CDC42EP4: variants seen among roughly 807,000 people sequenced by gnomAD.
CDC42EP4 encodes the protein CDC42 effector protein 4, also known as CDC42 effector protein (Rho GTPase binding) 4.
Under a neutral mutation model 5.6 loss-of-function variants are expected in CDC42EP4, and 6 were observed. That is an observed-to-expected ratio of 1.07 (90% CI 0.59 to 2.12). The LOEUF (loss-of-function observed/expected upper bound fraction) is 2.12. Among genes scored for constraint, CDC42EP4 ranks in the 30% most tolerant of loss-of-function variants. The probability of loss-of-function intolerance (pLI) is 0.00; values close to 1 mark genes in which losing one functional copy is unlikely to be tolerated. For synonymous variants in CDC42EP4, 230 were observed against 224.2 expected, an observed-to-expected ratio of 1.03 and a Z score of -0.23; for missense variants, 490 against 508.6, an observed-to-expected ratio of 0.96 and a Z score of 0.35.
intron 1 of CDC42EP4, among the ~76,000 whole-genome samples, chr17:73,303,678 A>AG (rs986463221): frequency 6.6e-6 from 1 of 152,056 alleles, no homozygotes; most frequent in Non-Finnish European, 1.5e-5. Flanking sequence ...AAAAAAAAAA[A>AG]AAATTAATTC....
intron 1 of CDC42EP4, among the ~76,000 whole-genome samples, chr17:73,287,799 G>C (rs897201384): frequency 4.6e-5 from 7 of 152,158 alleles, no homozygotes; most frequent in South Asian, 2.1e-4. Flanking sequence ...TCAGATGCTG[G>C]GTGCTTCCTC....
rs190599015 is a variant in CDC42EP4, at chr17:73,297,221, G to A, written c.-112-10609C>T. Among the ~76,000 whole-genome samples the A allele has an allele frequency of 1.6e-3, 242 of 151,358 alleles. 1 individual carries two copies. The Middle Eastern group carries it at 0.017, about 11-fold the overall frequency. ...AGGCAGGAGAATCACTTGAACCCGG[G>A]AGGCGGAGGTTGCTGTGAGCCAAGG... On this transcript the variant is annotated intron_variant, in intron 1 of 1. Coordinates refer to ENST00000335793, the MANE Select transcript of CDC42EP4 (RefSeq NM_012121.5).
At chr17:73,297,671 AT>A (rs1452270336) in intron 1 of CDC42EP4, among the ~76,000 whole-genome samples, 5 of 151,826 alleles carry the variant, frequency 3.3e-5, no homozygotes, top group Non-Finnish European at 7.4e-5. Flanking sequence ...TTATTTATTT[AT>A]TTTTGAGATG....
At chr17:73,288,555 CCGCGCCTGGTCCAT>C (rs1220673983) in intron 1 of CDC42EP4, among the ~76,000 whole-genome samples, 3 of 152,130 alleles carry the variant, frequency 2.0e-5, no homozygotes, top group African/African-American at 7.2e-5. Flanking sequence ...GCGTGAGCCA[CCGCGCCTGGTCCAT>C]CCAGAGGGTT....
At position 73,285,524 on chromosome 17, in the gene CDC42EP4, C is replaced by T. The variant is rs932343302; in HGVS notation, c.977G>A (p.Arg326Gln). 28 of 1,610,326 alleles carry T rather than the reference C, an allele frequency of 1.7e-5. No homozygotes were observed. The highest frequency in any genetic ancestry group is 2.3e-5 in the Non-Finnish European group (27 of 1,178,434). Residue 326 changes from arginine to glutamine, a missense_variant, in exon 2 of 2, where the codon CGG becomes CAG. By Grantham distance (43) the Arg-to-Gln change is conservative. Coordinates refer to ENST00000335793, the MANE Select transcript of CDC42EP4 (RefSeq NM_012121.5). The surrounding 1 kb of genome is among the most constrained non-coding windows in gnomAD (Gnocchi z 6.8). ...GILEERSPAF[R>Q]GPDRARAAVS... ...AGCAGCCCGGGCCCTGTCCGGCCCC[C>T]GGAAGGCAGGGCTGCGCTCCTCCAG...
intron 1 of CDC42EP4, among the ~76,000 whole-genome samples, chr17:73,295,394 T>C (rs894660337): frequency 6.6e-6 from 1 of 152,138 alleles, no homozygotes; most frequent in African/African-American, 2.4e-5. Context: ...AACCTTCTGA[T>C]GTTTGCTACC....
chr17:73,301,755 G>T (rs1022415635), intron 1 of CDC42EP4, among the ~76,000 whole-genome samples: 1 of 142,532 alleles, frequency 7.0e-6, no homozygotes, highest in Admixed American at 7.4e-5. Context: ...TGCCGAGACT[G>T]GAGTGCAGTG....
intron 1 of CDC42EP4, chr17:73,311,022 G>A (rs942733949): frequency 6.6e-6 from 1 of 152,196 alleles, no homozygotes; most frequent in African/African-American, 2.4e-5. Flanking sequence ...GCCCCAAGCG[G>A]GCGATTAAAT....
At chr17:73,308,994 T>A in intron 1 of CDC42EP4, among the ~76,000 whole-genome samples, 1 of 120,578 alleles carries the variant, frequency 8.3e-6, no homozygotes, top group East Asian at 2.7e-4. Context: ...GCCAAGATTG[T>A]GCCACTGCAC....
At chr17:73,287,187 G>C (rs534297101) in intron 1 of CDC42EP4, among the ~76,000 whole-genome samples, 1 of 152,332 alleles carries the variant, frequency 6.6e-6, no homozygotes, top group East Asian at 1.9e-4. Context: ...TGCGTGGGCG[G>C]CACAGTCCTC....
chr17:73,306,371 A>G (rs1367840542), intron 1 of CDC42EP4, among the ~76,000 whole-genome samples: 2 of 151,200 alleles, frequency 1.3e-5, no homozygotes, highest in Admixed American at 1.3e-4. Context: ...GCATGGCGGC[A>G]CACGTCTATA....
chr17:73,285,253 C>A lies in CDC42EP4; in HGVS notation c.*177G>T, dbSNP rs986749333. 5.8e-6 allele frequency: 3 copies of A among 513,594 alleles called. No homozygotes were observed. Among genetic ancestry groups the A allele is most frequent in the Non-Finnish European group, 1.0e-5 (3 of 293,882 alleles). The allele number at this position is 513,594 out of a possible 1,614,324, so 31.8% of individuals were successfully genotyped here. ...AGCCAGTCGGCACCCATGCCAGCCC[C>A]CTACGTCCTCCGAAGACCCGAGGGC... On this transcript the variant is annotated 3_prime_UTR_variant, in exon 2 of 2. Transcript: ENST00000335793. This position sits in a 1 kb window ranked among gnomAD's most constrained non-coding sequence, Gnocchi z 6.8.
chr17:73,310,608 A>AGTT (rs2062268388), intron 1 of CDC42EP4, among the ~76,000 whole-genome samples: 1 of 152,144 alleles, frequency 6.6e-6, no homozygotes, highest in Non-Finnish European at 1.5e-5. Flanking sequence ...TCCAGAGGCA[A>AGTT]CGAGAAAAGA....
At position 73,286,411 on chromosome 17, in the gene CDC42EP4, C is replaced by A. The variant is rs8066266; in HGVS notation, c.90G>T (p.Pro30=). 6.2e-7 allele frequency: 1 copy of A among 1,613,796 alleles called. No homozygotes were observed. Among genetic ancestry groups the A allele is most frequent in the Non-Finnish European group, 8.5e-7 (1 of 1,179,954 alleles). The change falls in exon 2 of 2, where the codon CCG becomes CCT. Residue 30 remains proline (P), a synonymous_variant. Coordinates refer to ENST00000335793, the MANE Select transcript of CDC42EP4 (RefSeq NM_012121.5). The surrounding 1 kb of genome is among the most constrained non-coding windows in gnomAD (Gnocchi z 7.7). ...GCATGGTGTGGCGGAAGTCGCCCAGCGGGGCGCTGATCATCTCGGCCGTGA... is the reference window on the plus strand; with the variant it reads ...GCATGGTGTGGCGGAAGTCGCCCAGAGGGGCGCTGATCATCTCGGCCGTGA... ...ADLTAEMISA[P]LGDFRHTMHV... is the part of the protein sequence containing the mutation.
chr17:73,285,808 G>T lies in CDC42EP4; in HGVS notation c.693C>A (p.Asp231Glu), dbSNP rs1568339482. 6.2e-7 allele frequency: 1 copy of T among 1,607,006 alleles called. No homozygotes were observed. The highest frequency in any genetic ancestry group is 8.5e-7 in the Non-Finnish European group (1 of 1,174,108). Residue 231 changes from aspartate to glutamate, a missense_variant, in exon 2 of 2, where the codon GAC becomes GAA. By Grantham distance (45) the Asp-to-Glu change is conservative. Coordinates refer to ENST00000335793, the MANE Select transcript of CDC42EP4 (RefSeq NM_012121.5). This position sits in a 1 kb window ranked among gnomAD's most constrained non-coding sequence, Gnocchi z 6.8. ...VLSIMDKEEW[D>E]PEEGEGGYHG... ...GGTAACCACCCTCCCCCTCCTCGGG[G>T]TCCCACTCCTCCTTGTCCATGATGC... is the stretch of plus-strand genomic sequence containing the variant.
At chr17:73,298,103 A>C (rs975245323) in intron 1 of CDC42EP4, among the ~76,000 whole-genome samples, 2 of 151,992 alleles carry the variant, frequency 1.3e-5, no homozygotes, top group African/African-American at 4.8e-5. Flanking sequence ...ACATCCCAGC[A>C]TAAGATGCCA....
At chr17:73,308,024 G>A (rs2062253523) in intron 1 of CDC42EP4, among the ~76,000 whole-genome samples, 1 of 152,140 alleles carries the variant, frequency 6.6e-6, no homozygotes, top group African/African-American at 2.4e-5. Flanking sequence ...TTACAGGCGT[G>A]AGCCACTGTG....
Position 73,302,417 on chromosome 17 carries a change from A to G in CDC42EP4, c.-113+9476T>C, listed in dbSNP as rs577588801. On this transcript the variant is annotated intron_variant, in intron 1 of 1. Transcript: ENST00000335793. ...ACCTCCGGCATCTAATCCAGCAGCCACAAGCCACATAAGGCTACTGAGTAC... is the reference window on the plus strand; with the variant it reads ...ACCTCCGGCATCTAATCCAGCAGCCGCAAGCCACATAAGGCTACTGAGTAC... Among the ~76,000 whole-genome samples, 17 of 152,314 alleles carry G rather than the reference A, an allele frequency of 1.1e-4. No homozygotes were observed. In the South Asian group the frequency reaches 3.5e-3, roughly 32 times the overall value.
chr17:73,294,014 G>A (rs1284052695), intron 1 of CDC42EP4, among the ~76,000 whole-genome samples: 1 of 152,160 alleles, frequency 6.6e-6, no homozygotes, highest in Non-Finnish European at 1.5e-5. Context: ...GGAGGTTAAG[G>A]CTCACTGCTG....
Sources: allele counts gnomAD v4.1 joint callset (sites outside exome capture counted in the v4.1 genomes callset), GRCh38; gene constraint gnomAD v4.1.1; non-coding constraint Gnocchi (gnomAD v3.1); transcripts MANE v1.5; gene names NCBI Gene and HGNC (gene_info 2026-07-23, HGNC 2026-07-21).